The following CPA6 variants were observed in gnomAD, a reference collection of about 807,000 sequenced individuals.
CPA6 encodes the protein carboxypeptidase B.
A neutral mutation model predicts 63.3 loss-of-function variants in CPA6; 58 were observed. The observed-to-expected ratio is 0.92, with a 90% CI of 0.74 to 1.14. The LOEUF (loss-of-function observed/expected upper bound fraction) is 1.14, where lower values mean the gene tolerates loss of function less well. CPA6 is among the 50% of genes most tolerant of loss of function. The pLI, the probability that CPA6 is intolerant of heterozygous loss-of-function variation, is 0.00. For missense variants in CPA6, 565 were observed against 526.6 expected (o/e 1.07, Z -0.71); for synonymous variants, 185 against 179.0 (o/e 1.03, Z -0.27).
intron 8 of CPA6, among the ~76,000 whole-genome samples, chr8:67,472,426 T>C (rs1445334562): frequency 6.7e-6 from 1 of 148,204 alleles, no homozygotes; most frequent in African/African-American, 2.6e-5. Context: ...TTTTATTTTA[T>C]TTTATTTTAT....
intron 1 of CPA6, among the ~76,000 whole-genome samples, chr8:67,701,097 TAGTGGAAAGAGCATGG>T (rs1004166612): frequency 5.3e-5 from 8 of 152,190 alleles, no homozygotes; most frequent in Non-Finnish European, 7.3e-5. Flanking sequence ...AAACATGGTA[TAGTGGAAAGAGCATGG>T]AGTTTGAAGA....
At chr8:67,597,378 TAGAGATGGGGTTTCACCATGTTGACCAGG>T (rs1359175710) in intron 2 of CPA6, among the ~76,000 whole-genome samples, 1 of 151,986 alleles carries the variant, frequency 6.6e-6, no homozygotes, top group Non-Finnish European at 1.5e-5. Context: ...TTTGTATTTT[TAGAGATGGGGTTTCACCATGTTGACCAGG>T]AGAGTCTCGA....
intron 1 of CPA6, among the ~76,000 whole-genome samples, chr8:67,723,147 A>C (rs760102274): frequency 6.6e-6 from 1 of 152,168 alleles, no homozygotes; most frequent in Non-Finnish European, 1.5e-5. Flanking sequence ...TATTATAGAT[A>C]TATCATGATT....
chr8:67,727,905 C>T (rs985224161), intron 1 of CPA6, among the ~76,000 whole-genome samples: 2 of 151,964 alleles, frequency 1.3e-5, no homozygotes, highest in Non-Finnish European at 2.9e-5. Context: ...AGTGAAACCT[C>T]GTCTCTACTG....
intron 9 of CPA6, chr8:67,429,729 T>A (rs1809978729): frequency 6.6e-6 from 1 of 152,208 alleles, no homozygotes; most frequent in African/African-American, 2.4e-5. Flanking sequence ...GGGCAGATAT[T>A]TCTACATTCA....
At chr8:67,499,688 T>G (rs1811794259) in intron 6 of CPA6, among the ~76,000 whole-genome samples, 1 of 152,210 alleles carries the variant, frequency 6.6e-6, no homozygotes. Context: ...GTCACTAATC[T>G]GTTCTCCATT....
At chr8:67,667,941 T>C (rs913511383) in intron 1 of CPA6, among the ~76,000 whole-genome samples, 3 of 152,228 alleles carry the variant, frequency 2.0e-5, no homozygotes, top group Non-Finnish European at 4.4e-5. Context: ...AATGCCAACA[T>C]GTCTAGCCAG....
intron 1 of CPA6, among the ~76,000 whole-genome samples, chr8:67,654,124 T>C (rs946503755): frequency 1.3e-5 from 2 of 152,200 alleles, no homozygotes; most frequent in African/African-American, 4.8e-5. Context: ...CTTTTTGATG[T>C]GCTGCTGGAT....
At chr8:67,707,048 T>C (rs1817151623) in intron 1 of CPA6, among the ~76,000 whole-genome samples, 1 of 152,230 alleles carries the variant, frequency 6.6e-6, no homozygotes, top group Admixed American at 6.5e-5. Flanking sequence ...CCTTGTCAAT[T>C]GTTCTTTGAC....
chr8:67,582,393 A>G (rs1813799035), intron 2 of CPA6, among the ~76,000 whole-genome samples: 1 of 152,210 alleles, frequency 6.6e-6, no homozygotes, highest in Non-Finnish European at 1.5e-5. Flanking sequence ...GTTTCTAGAA[A>G]TGCAAATAAT....
At chr8:67,742,822 T>G (rs1037427696) in intron 1 of CPA6, among the ~76,000 whole-genome samples, 2 of 152,184 alleles carry the variant, frequency 1.3e-5, no homozygotes, top group Non-Finnish European at 2.9e-5. Context: ...CGCTGACACA[T>G]GAAGAAGGCA....
At chr8:67,540,123 C>T (rs1441225513) in intron 2 of CPA6, among the ~76,000 whole-genome samples, 1 of 151,534 alleles carries the variant, frequency 6.6e-6, no homozygotes, top group East Asian at 1.9e-4. Flanking sequence ...CTGGTTTTTC[C>T]TCATTCTCGT....
intron 8 of CPA6, among the ~76,000 whole-genome samples, chr8:67,466,492 C>G (rs932864758): frequency 3.3e-5 from 5 of 152,002 alleles, no homozygotes; most frequent in African/African-American, 1.2e-4. Context: ...TTTTTAATTT[C>G]GTCTGATAGC....
chr8:67,446,209 T>C (rs1336631683), intron 8 of CPA6, among the ~76,000 whole-genome samples: 1 of 144,156 alleles, frequency 6.9e-6, no homozygotes, highest in East Asian at 2.0e-4. Context: ...GAGCTTGCAG[T>C]GAGTGGAGAT....
At position 67,518,010 on chromosome 8, in the gene CPA6, G is replaced by C. The variant is rs758453397; in HGVS notation, c.230C>G (p.Ser77Ter). ...LWQPSSISYV[S>*]EGTVTDVHIP... ...ATGGACATCAGTAACTGTTCCCTCTGATACATAGGAGATACTGCTGGGCTG... is the reference window on the plus strand; with the variant it reads ...ATGGACATCAGTAACTGTTCCCTCTCATACATAGGAGATACTGCTGGGCTG... The change falls in exon 3 of 11, where the codon TCA becomes TGA. Residue 77 changes from serine to a stop codon, truncating the protein, a stop_gained. Transcript: ENST00000297770. LOFTEE classifies it high-confidence loss of function. 1.2e-6 allele frequency: 2 copies of C among 1,611,854 alleles called. No homozygotes were observed. Among genetic ancestry groups the C allele is most frequent in the Non-Finnish European group, 1.7e-6 (2 of 1,179,226 alleles).
intron 4 of CPA6, among the ~76,000 whole-genome samples, chr8:67,511,132 T>C (rs1326920522): frequency 2.0e-5 from 3 of 152,172 alleles, no homozygotes; most frequent in African/African-American, 7.2e-5. Context: ...GCTTTGCCTT[T>C]GAGAGGTCTC....
intron 1 of CPA6, among the ~76,000 whole-genome samples, chr8:67,730,503 A>G (rs1473662058): frequency 6.6e-6 from 1 of 152,114 alleles, no homozygotes; most frequent in Non-Finnish European, 1.5e-5. Context: ...TAAATCATTG[A>G]CCACTGGTGA....
intron 6 of CPA6, among the ~76,000 whole-genome samples, chr8:67,487,597 T>C (rs1811508948): frequency 6.6e-6 from 1 of 152,228 alleles, no homozygotes; most frequent in Admixed American, 6.5e-5. Flanking sequence ...TCAAATGGTA[T>C]TTCTAGTTCT....
intron 2 of CPA6, among the ~76,000 whole-genome samples, chr8:67,617,908 G>A (rs1814994012): frequency 6.7e-6 from 1 of 149,492 alleles, no homozygotes; most frequent in South Asian, 2.1e-4. Context: ...CTTGCCATGG[G>A]GCAGTTCACG....
Sources: gnomAD v4.1 joint callset for allele counts (sites outside exome capture counted in the v4.1 genomes callset) on GRCh38, gnomAD v4.1.1 for gene constraint, MANE v1.5 for transcripts, NCBI Gene and HGNC (gene_info 2026-07-23, HGNC 2026-07-21) for gene names.